The following AKAP7 variants were observed in gnomAD, a reference collection of about 807,000 sequenced individuals.
The protein encoded by AKAP7 is A-kinase anchoring protein 7.
AKAP7 carries 39 observed loss-of-function variants against 39.5 expected under a neutral mutation model. The observed-to-expected ratio is 0.99, with a 90% confidence interval of 0.76 to 1.29. AKAP7 has a LOEUF of 1.29. Among genes scored for constraint, AKAP7 ranks in the 50% most tolerant of loss-of-function variants. The probability of loss-of-function intolerance (pLI) is 0.00; values close to 1 mark genes in which losing one functional copy is unlikely to be tolerated. For synonymous variants in AKAP7, 140 were observed against 139.1 expected (o/e 1.01, Z -0.05); for missense variants, 414 against 407.7 (o/e 1.02, Z -0.13).
intron 7 of AKAP7, among the ~76,000 whole-genome samples, chr6:131,265,227 C>T (rs1414779979): frequency 3.3e-5 from 5 of 152,138 alleles, no homozygotes; most frequent in Admixed American, 1.3e-4. Context: ...CTCTGCCTCC[C>T]GGGTTCAAGC....
At chr6:131,205,025 G>C (rs1268777187) in intron 6 of AKAP7, among the ~76,000 whole-genome samples, 10 of 151,910 alleles carry the variant, frequency 6.6e-5, no homozygotes, top group Non-Finnish European at 1.5e-4. Context: ...CTGTTGTCAG[G>C]GTAGACATGA....
At chr6:131,274,721 C>T (rs1395900875) in intron 7 of AKAP7, among the ~76,000 whole-genome samples, 1 of 152,062 alleles carries the variant, frequency 6.6e-6, no homozygotes, top group Admixed American at 6.6e-5. Context: ...GCTTTCTTTC[C>T]CCCTAAGCCA....
upstream of AKAP7, among the ~76,000 whole-genome samples, chr6:131,135,046 T>C (rs999895754): frequency 2.6e-5 from 4 of 152,222 alleles, no homozygotes; most frequent in Non-Finnish European, 5.9e-5. Context: ...TTTGTCACAA[T>C]TTGCAGTTTT....
chr6:131,129,117 T>G, the AKAP7 span, among the ~76,000 whole-genome samples: 1 of 151,848 alleles, frequency 6.6e-6, no homozygotes, highest in Admixed American at 6.6e-5. Context: ...TGAAATTTGG[T>G]CTCTACTAAA....
intron 5 of AKAP7, among the ~76,000 whole-genome samples, chr6:131,195,696 G>T (rs1489216258): frequency 1.3e-5 from 2 of 152,000 alleles, no homozygotes; most frequent in Non-Finnish European, 2.9e-5. Context: ...ATGTTTGAAG[G>T]CTATTTTTAT....
chr6:131,184,361 C>T, intron 5 of AKAP7: 1 of 653,940 alleles, frequency 1.5e-6, no homozygotes, highest in Non-Finnish European at 2.9e-6. Context: ...TGGAAGCTTT[C>T]TCCTTCAACA....
chr6:131,282,123 A>G lies in AKAP7; in HGVS notation c.*397A>G. On this transcript the variant is annotated 3_prime_UTR_variant, in exon 8 of 8. Transcript: ENST00000431975. Reference sequence around the variant, plus strand: ...TTATCTGAGGCCAGAACTCTCACACACAGCTATCAAGTGCTAAGTTTAAAA... The same window carrying G: ...TTATCTGAGGCCAGAACTCTCACACGCAGCTATCAAGTGCTAAGTTTAAAA... The G allele has an allele frequency of 8.6e-7, 1 of 1,168,866 alleles. No individual in the cohort carries two copies. The highest frequency in any genetic ancestry group is 1.1e-6 in the Non-Finnish European group (1 of 948,566). The allele number at this position is 1,168,866 out of a possible 1,614,324, so 72.4% of individuals were successfully genotyped here.
rs531647864 is a variant in AKAP7, at chr6:131,196,495, C to T, written c.590-2966C>T. On this transcript the variant is annotated intron_variant, in intron 5 of 7. Transcript: ENST00000431975. ...GCCAGGCTGGTCTCGAACTTCTGAC[C>T]TCAGGTGATCCTCCCACCTCAGCCT... 2.0e-5 allele frequency among the ~76,000 whole-genome samples: 3 copies of T among 152,184 alleles called. No individual in the cohort carries two copies. In the South Asian group the frequency reaches 6.2e-4, roughly 32 times the overall value.
At chr6:131,241,015 C>T (rs759297165) in intron 7 of AKAP7, among the ~76,000 whole-genome samples, 13 of 152,168 alleles carry the variant, frequency 8.5e-5, no homozygotes, top group African/African-American at 1.9e-4. Context: ...GCGTCGCTCA[C>T]GCTGGGAGCT....
At chr6:131,185,729 T>C (rs1363048199) in intron 5 of AKAP7, among the ~76,000 whole-genome samples, 2 of 152,238 alleles carry the variant, frequency 1.3e-5, no homozygotes, top group African/African-American at 4.8e-5. Flanking sequence ...TAATCTCTTA[T>C]CAGATATACG....
intron 7 of AKAP7, among the ~76,000 whole-genome samples, chr6:131,244,983 A>C (rs1353272096): frequency 1.3e-5 from 2 of 152,210 alleles, no homozygotes; most frequent in Non-Finnish European, 2.9e-5. Flanking sequence ...AATATGACTA[A>C]AGTAGGAGTA....
chr6:131,197,378 A>C (rs1183323246), intron 5 of AKAP7, among the ~76,000 whole-genome samples: 1 of 152,142 alleles, frequency 6.6e-6, no homozygotes, highest in Non-Finnish European at 1.5e-5. Flanking sequence ...AAATTTTAAT[A>C]GTTGCTACCC....
intron 7 of AKAP7, among the ~76,000 whole-genome samples, chr6:131,228,318 T>A (rs1408725754): frequency 6.6e-6 from 1 of 152,202 alleles, no homozygotes; most frequent in Non-Finnish European, 1.5e-5. Context: ...AAATGTTGAA[T>A]TTGAAAATGT....
intron 6 of AKAP7, among the ~76,000 whole-genome samples, chr6:131,204,164 T>C (rs1264775809): frequency 6.6e-6 from 1 of 152,176 alleles, no homozygotes; most frequent in African/African-American, 2.4e-5. Context: ...TTCTTTAAGA[T>C]GTCCTAGCTG....
chr6:131,190,614 C>T (rs1310243037), intron 5 of AKAP7, among the ~76,000 whole-genome samples: 1 of 147,624 alleles, frequency 6.8e-6, no homozygotes, highest in East Asian at 2.0e-4. Flanking sequence ...CATTGCAATA[C>T]AGCCTGGGTG....
At chr6:131,248,324 C>A (rs1585173675) in intron 7 of AKAP7, among the ~76,000 whole-genome samples, 3 of 152,140 alleles carry the variant, frequency 2.0e-5, no homozygotes, top group Admixed American at 2.0e-4. Context: ...ACTGTTAATA[C>A]CTGACATCTG....
chr6:131,276,850 T>C (rs1376628661), intron 7 of AKAP7, among the ~76,000 whole-genome samples: 2 of 152,154 alleles, frequency 1.3e-5, no homozygotes, highest in Admixed American at 6.5e-5. Flanking sequence ...ACCTAGATAC[T>C]GGCAATGGGC....
chr6:131,199,018 T>C (rs1807250571), intron 5 of AKAP7, among the ~76,000 whole-genome samples: 1 of 152,232 alleles, frequency 6.6e-6, no homozygotes, highest in East Asian at 1.9e-4. Flanking sequence ...GCTGGAATAA[T>C]CAAAGGGCTT....
intron 7 of AKAP7, among the ~76,000 whole-genome samples, chr6:131,247,025 G>A (rs1359747453): frequency 6.6e-6 from 1 of 151,908 alleles, no homozygotes; most frequent in African/African-American, 2.4e-5. Context: ...CCTGTAAAAT[G>A]GGGATAGTAA....
Sources: gnomAD v4.1 joint callset for allele counts (sites outside exome capture counted in the v4.1 genomes callset) on GRCh38, gnomAD v4.1.1 for gene constraint, MANE v1.5 for transcripts, NCBI Gene and HGNC (gene_info 2026-07-23, HGNC 2026-07-21) for gene names.